The following BAG1 variants were observed in gnomAD, a reference collection of about 807,000 sequenced individuals.
The protein encoded by BAG1 is BAG cochaperone 1.
In BAG1, 35 loss-of-function variants were observed where a neutral mutation model predicts 35.5. The ratio of observed to expected loss-of-function variants is 0.99; its 90% CI spans 0.75 to 1.31. BAG1 has a LOEUF of 1.31. Among genes scored for constraint, BAG1 ranks in the 50% most tolerant of loss-of-function variants. The pLI is 0.00. For missense variants in BAG1, 464 were observed against 453.6 expected (o/e 1.02, Z -0.21); for synonymous variants, 191 against 178.9 (o/e 1.07, Z -0.54).
Position 33,255,189 on chromosome 9 carries a change from C to T in BAG1, c.*30G>A. The T allele has an allele frequency of 1.2e-6, 2 of 1,614,232 alleles. No homozygotes were observed. The highest frequency in any genetic ancestry group is 8.5e-7 in the Non-Finnish European group (1 of 1,180,044). On this transcript the variant is annotated 3_prime_UTR_variant, in exon 7 of 7. Coordinates refer to ENST00000634734, the MANE Select transcript of BAG1 (RefSeq NM_004323.6). ...CGGCAGAGCTGGTGGCGCCATTCTT[C>T]AGGGCAGCACAGCCTTTTTCTGCTA...
At position 33,254,554 on chromosome 9, in the gene BAG1, A is replaced by G. The variant is rs1226611717; in HGVS notation, c.*665T>C. ...TCAACACTGGGTTCTAACCTTCTGA[A>G]GACTTGCTTGGGGACAAGGAAGCCT... On this transcript the variant is annotated 3_prime_UTR_variant, in exon 7 of 7. Coordinates refer to ENST00000634734, the MANE Select transcript of BAG1 (RefSeq NM_004323.6). The G allele has an allele frequency of 6.3e-6, 1 of 159,462 alleles. No homozygotes were observed. The highest frequency in any genetic ancestry group is 2.4e-5 in the African/African-American group (1 of 41,452). 9.9% of individuals were successfully genotyped at this position (159,462 alleles called of 1,614,324 possible). A position where few individuals can be genotyped will look rare whatever the true frequency, so the allele number is the denominator to read the frequency against.
intron 5 of BAG1, among the ~76,000 whole-genome samples, chr9:33,256,302 C>A (rs1820451834): frequency 2.0e-5 from 3 of 152,232 alleles, no homozygotes; most frequent in African/African-American, 7.2e-5. Flanking sequence ...CCCTGGCCAA[C>A]AGAAGTACAC....
At chr9:33,262,069 G>T (rs1820583158) in intron 2 of BAG1, 1 of 1,259,888 alleles carries the variant, frequency 7.9e-7, no homozygotes, top group Non-Finnish European at 1.0e-6. Context: ...ATAGCAGGGA[G>T]TACCATGGTA....
At chr9:33,258,797 G>A in intron 4 of BAG1, 123 bp downstream of exon 4, 1 of 717,244 alleles carries the variant, frequency 1.4e-6, no homozygotes, top group Non-Finnish European at 2.4e-6. Flanking sequence ...CACAGTAAGA[G>A]AAAGGGTGAA....
intron 2 of BAG1, among the ~76,000 whole-genome samples, 179 bp from the exon 3 acceptor site, chr9:33,261,348 T>C (rs924158850): frequency 6.6e-6 from 1 of 152,234 alleles, no homozygotes; most frequent in African/African-American, 2.4e-5. Context: ...TAATTGGACA[T>C]GCGACTCCAC....
Position 33,255,884 on chromosome 9 carries a change from C to T in BAG1, c.929G>A (p.Gly310Asp), listed in dbSNP as rs147618564. 1.1e-5 allele frequency: 17 copies of T among 1,613,926 alleles called. No homozygotes were observed. Among genetic ancestry groups the T allele is most frequent in the Non-Finnish European group, 1.3e-5 (15 of 1,179,914 alleles). The change falls in exon 6 of 7, where the codon GGC becomes GAC. Residue 310 changes from glycine to aspartate, a missense_variant. Physicochemically the swap from Gly to Asp is moderately conservative, Grantham distance 94 (BLOSUM62 -1). Coordinates refer to ENST00000634734, the MANE Select transcript of BAG1 (RefSeq NM_004323.6). ...ACTCACCTGAACCTTTTTTACCAAG[C>T]CTTTCCTTTTCAATCTACTGTCTTT...
rs1359402483 is a variant in BAG1 at position 33,252,562 on chromosome 9, T to C, written c.*2657A>G. On this transcript the variant is annotated 3_prime_UTR_variant, in exon 7 of 7. Transcript: ENST00000634734. ...TATATGTTATATATGTTATGTTATATATATATATGTTATATATGTAATATA... is the reference window on the plus strand; with the variant it reads ...TATATGTTATATATGTTATGTTATACATATATATGTTATATATGTAATATA... 5 of 149,664 alleles carry C rather than the reference T, an allele frequency of 3.3e-5. No homozygotes were observed. In the East Asian group the frequency reaches 7.8e-4, roughly 23 times the overall value. The allele number at this position is 149,664 out of a possible 1,614,324, so 9.3% of individuals were successfully genotyped here.
At chr9:33,257,268 T>G (rs892062578) in intron 4 of BAG1, 1 of 200,562 alleles carries the variant, frequency 5.0e-6, no homozygotes, top group African/African-American at 2.3e-5. Flanking sequence ...CTTGTGATCT[T>G]GAGCAAATTA....
intron 4 of BAG1, among the ~76,000 whole-genome samples, chr9:33,258,571 A>G (rs534135783): frequency 9.8e-5 from 15 of 152,338 alleles, no homozygotes; most frequent in East Asian, 5.8e-4. Flanking sequence ...TCTATTTCAG[A>G]CAATACATGA....
rs528449577 is a variant in BAG1, at chr9:33,261,600, T to C, written c.581-431A>G. 1.2e-4 allele frequency among the ~76,000 whole-genome samples: 19 copies of C among 152,336 alleles called. No individual in the cohort carries two copies. In the East Asian group the frequency reaches 3.5e-3, roughly 28 times the overall value. ...GGTTTTATCCAGGGGAACATTTTCT[T>C]TTTCATGCATTCCTCTATTTTGAAA... is the stretch of plus-strand genomic sequence containing the variant. On this transcript the variant is annotated intron_variant, in intron 2 of 6. Transcript: ENST00000634734.
At position 33,256,827 on chromosome 9, in the gene BAG1, T is replaced by C. The variant is rs148464069; in HGVS notation, c.859A>G (p.Lys287Glu). The C allele has an allele frequency of 5.3e-5, 86 of 1,614,170 alleles. No individual in the cohort carries two copies. The African/African-American group carries it at 1.1e-3, about 21-fold the overall frequency. The change falls in exon 5 of 7, where the codon AAG (lysine) becomes GAG (glutamate). Residue 287 changes from lysine (K) to glutamate (E), a missense_variant. By Grantham distance (56) the Lys-to-Glu change is moderately conservative. Coordinates refer to ENST00000634734, the MANE Select transcript of BAG1 (RefSeq NM_004323.6). Reference sequence around the variant, plus strand: ...AGTGTGTCAATCTCCTCCAAGATCTTCATAAACTGCTCTATTGTGGCTTTT... The same window carrying C: ...AGTGTGTCAATCTCCTCCAAGATCTCCATAAACTGCTCTATTGTGGCTTTT...
In BAG1 at chr9:33,254,533, C is replaced by T. The variant is rs1820407773; in HGVS notation, c.*686G>A. 1 of 155,778 alleles carries T rather than the reference C, an allele frequency of 6.4e-6. No individual in the cohort carries two copies. The highest frequency in any genetic ancestry group is 2.4e-5 in the African/African-American group (1 of 41,454). 9.6% of individuals were successfully genotyped at this position (155,778 alleles called of 1,614,324 possible). ...TGGTTTCAAGCACAGACTCAGTCAA[C>T]ACTGGGTTCTAACCTTCTGAAGACT... On this transcript the variant is annotated 3_prime_UTR_variant, in exon 7 of 7. Transcript: ENST00000634734.
chr9:33,262,727 C>A lies in BAG1; in HGVS notation c.555G>T (p.Gln185His). The change falls in exon 2 of 7, where the codon CAG becomes CAT. Residue 185 changes from glutamine (Q) to histidine (H), a missense_variant. By Grantham distance (24) the Gln-to-His change is conservative. Coordinates refer to ENST00000634734, the MANE Select transcript of BAG1 (RefSeq NM_004323.6). ...CCTTAAATATGAGTTTCTGAAAAGA[C>A]TGTGGAACCCCTATGACCTCTTCAA... 1.2e-6 allele frequency: 2 copies of A among 1,608,670 alleles called. No homozygotes were observed. Among genetic ancestry groups the A allele is most frequent in the Non-Finnish European group, 1.7e-6 (2 of 1,178,072 alleles).
At chr9:33,259,361 C>CAA (rs796698504) in intron 3 of BAG1, 7 of 134,546 alleles carry the variant, frequency 5.2e-5, no homozygotes, top group African/African-American at 5.7e-5. Context: ...GAGACTGTCT[C>CAA]AAAAAAAAAA....
At chr9:33,263,213 G>T (rs1820616069) in intron 1 of BAG1, among the ~76,000 whole-genome samples, 1 of 152,186 alleles carries the variant, frequency 6.6e-6, no homozygotes, top group Admixed American at 6.5e-5. Flanking sequence ...GTTGATATCA[G>T]ATCTAGCTGA....
At chr9:33,258,747 T>C (rs1390391618) in intron 4 of BAG1, among the ~76,000 whole-genome samples, 173 bp downstream of exon 4, 1 of 152,230 alleles carries the variant, frequency 6.6e-6, no homozygotes, top group Non-Finnish European at 1.5e-5. Flanking sequence ...CATTATTCCA[T>C]TTTTACAGAT....
rs372041084 is a variant in BAG1, at chr9:33,261,975, G to A, written c.580+727C>T. ...ACAGCAGTATCTCCACCCTCACGGAGGCTGTTATTTTAACAGAGAAATCAG... is the reference window on the plus strand; with the variant it reads ...ACAGCAGTATCTCCACCCTCACGGAAGCTGTTATTTTAACAGAGAAATCAG... On this transcript the variant is annotated intron_variant, in intron 2 of 6. Coordinates refer to ENST00000634734, the MANE Select transcript of BAG1 (RefSeq NM_004323.6). 2.5e-6 allele frequency: 3 copies of A among 1,185,120 alleles called. No individual in the cohort carries two copies. In the East Asian group the frequency reaches 1.8e-4, roughly 70 times the overall value. The allele number at this position is 1,185,120 out of a possible 1,614,324, so 73.4% of individuals were successfully genotyped here. A position where few individuals can be genotyped will look rare whatever the true frequency, so the allele number is the denominator to read the frequency against.
rs565124425 is a variant in BAG1, at chr9:33,264,439, C to T, written c.236G>A (p.Arg79His). ...GGTCAACTCCTCGCTCCGGGTCGAG[C>T]GGCGCCGGGTTTTCTTCTTCATCCG... Residue 79 changes from arginine to histidine, a missense_variant, in exon 1 of 7, where the codon CGC (arginine) becomes CAC (histidine). Transcript: ENST00000634734. 6.2e-7 allele frequency: 1 copy of T among 1,613,660 alleles called. No homozygotes were observed. Among genetic ancestry groups the T allele is most frequent in the Admixed American group, 1.7e-5 (1 of 59,958 alleles).
intron 6 of BAG1, 120 bp downstream of exon 6, chr9:33,255,745 A>G (rs706117): frequency 0.27 from 289,725 of 1,073,140 alleles, 45,505 homozygotes; most frequent in African/African-American, 0.67. Context: ...GCTGATAAAT[A>G]TAACCAAAAC....
Sources: allele counts gnomAD v4.1 joint callset (sites outside exome capture counted in the v4.1 genomes callset), GRCh38; gene constraint gnomAD v4.1.1; transcripts MANE v1.5; gene names NCBI Gene and HGNC (gene_info 2026-07-23, HGNC 2026-07-21).